Variants in HDLBP observed in about 807,000 individuals in gnomAD.
HDLBP encodes vigilin.
HDLBP carries 30 observed loss-of-function variants against 137.3 expected under a neutral mutation model. That is an observed-to-expected ratio of 0.22 (90% CI 0.16 to 0.30). The LOEUF (loss-of-function observed/expected upper bound fraction) is 0.30, where lower values mean the gene tolerates loss of function less well. Among genes scored for constraint, HDLBP ranks in the 10% least tolerant of loss-of-function variants. The pLI, the probability that HDLBP is intolerant of heterozygous loss-of-function variation, is 1.00. For synonymous variants in HDLBP, 606 were observed against 596.0 expected (o/e 1.02, Z -0.24); for missense variants, 1,119 against 1,667.3 (o/e 0.67, Z 5.73).
chr2:241,308,492 C>CTGAG (rs1395675553), intron 1 of HDLBP, among the ~76,000 whole-genome samples: 1 of 152,212 alleles, frequency 6.6e-6, no homozygotes, highest in Non-Finnish European at 1.5e-5. Flanking sequence ...AGCTGATGAC[C>CTGAG]TGAGACACCT....
At position 241,312,780 on chromosome 2, in the gene HDLBP, T is replaced by TA. The variant is rs200677671; in HGVS notation, c.-103+2789dup. Among the ~76,000 whole-genome samples, 1,344 of 152,348 alleles carry TA rather than the reference T, an allele frequency of 8.8e-3. 77 individuals carry two copies. The highest frequency in any genetic ancestry group is 0.077 in the Admixed American group (1,177 of 15,304). ...ATGTTCTCTGCTTAAGCCCTTTCTG[T>TA]AAGTTTCAGCTGGGACGCACTAATG... On this transcript the variant is annotated intron_variant, in intron 1 of 27. Coordinates refer to ENST00000310931, the MANE Select transcript of HDLBP (RefSeq NM_005336.6).
At chr2:241,242,856 G>C (rs2071379147) in intron 16 of HDLBP, 178 bp from the exon 17 acceptor site, 1 of 628,012 alleles carries the variant, frequency 1.6e-6, no homozygotes, top group Non-Finnish European at 2.9e-6. Context: ...CGGGGGAGGA[G>C]AGTGCACGTC....
At chr2:241,288,214 T>C (rs960729878) in intron 1 of HDLBP, among the ~76,000 whole-genome samples, 3 of 152,248 alleles carry the variant, frequency 2.0e-5, no homozygotes, top group Non-Finnish European at 2.9e-5. Flanking sequence ...CTCATTACAA[T>C]TGCCACGTTA....
rs188322774 is a variant in HDLBP, at chr2:241,307,815, C to T, written c.-103+7755G>A. 3.3e-5 allele frequency among the ~76,000 whole-genome samples: 5 copies of T among 152,146 alleles called. No individual in the cohort carries two copies. The East Asian group carries it at 7.7e-4, about 24-fold the overall frequency. On this transcript the variant is annotated intron_variant, in intron 1 of 27. Coordinates refer to ENST00000310931, the MANE Select transcript of HDLBP (RefSeq NM_005336.6). ...AATTTACCTCATTTGTTAACAACTACATGTTGAGTGGAGTAAACATACCTT... is the reference window on the plus strand; with the variant it reads ...AATTTACCTCATTTGTTAACAACTATATGTTGAGTGGAGTAAACATACCTT...
intron 1 of HDLBP, among the ~76,000 whole-genome samples, chr2:241,280,603 C>T (rs965481078): frequency 2.0e-5 from 3 of 152,150 alleles, no homozygotes; most frequent in East Asian, 1.9e-4. Flanking sequence ...GGTGAAAATA[C>T]GTAACTTGTG....
chr2:241,244,339 T>C (rs1358448601), intron 16 of HDLBP, among the ~76,000 whole-genome samples: 4 of 152,196 alleles, frequency 2.6e-5, no homozygotes, highest in African/African-American at 7.2e-5. Flanking sequence ...TCTGAACACA[T>C]ATATTCAAGA....
At position 241,281,489 on chromosome 2, in the gene HDLBP, C is replaced by T. The variant is rs1005658086; in HGVS notation, c.-102-12948G>A. On this transcript the variant is annotated intron_variant, in intron 1 of 27. Coordinates refer to ENST00000310931, the MANE Select transcript of HDLBP (RefSeq NM_005336.6). Reference sequence around the variant, plus strand: ...TGAGTTGAGATCGTGACACTGCACTCCAGCCTGGCTGACCAAGTGAGACCC... The same window carrying T: ...TGAGTTGAGATCGTGACACTGCACTTCAGCCTGGCTGACCAAGTGAGACCC... Among the ~76,000 whole-genome samples, 7 of 152,246 alleles carry T rather than the reference C, an allele frequency of 4.6e-5. No homozygotes were observed. The East Asian group carries it at 1.3e-3, about 29-fold the overall frequency.
At chr2:241,248,809 C>T (rs531022561) in intron 12 of HDLBP, among the ~76,000 whole-genome samples, 1 of 152,172 alleles carries the variant, frequency 6.6e-6, no homozygotes, top group Non-Finnish European at 1.5e-5. Flanking sequence ...TGGCTAAGAA[C>T]GTTCAACACA....
chr2:241,264,089 C>T (rs575521589), intron 4 of HDLBP, among the ~76,000 whole-genome samples: 61 of 138,294 alleles, frequency 4.4e-4, no homozygotes, highest in Middle Eastern at 4.1e-3. Context: ...ACTGGCCGGG[C>T]GCGGTGGCTC....
intron 9 of HDLBP, among the ~76,000 whole-genome samples, chr2:241,254,292 T>A (rs1227576733): frequency 1.3e-5 from 2 of 151,958 alleles, no homozygotes; most frequent in Non-Finnish European, 2.9e-5. Context: ...TAAAAAAAAT[T>A]TAATTTTTAA....
At chr2:241,252,615 A>G (rs574717291) in intron 11 of HDLBP, among the ~76,000 whole-genome samples, 58 of 152,340 alleles carry the variant, frequency 3.8e-4, no homozygotes, top group African/African-American at 1.3e-3. Flanking sequence ...AGTACTACCA[A>G]CACTGATTGG....
chr2:241,284,967 A>G (rs1575021100), intron 1 of HDLBP, among the ~76,000 whole-genome samples: 1 of 152,006 alleles, frequency 6.6e-6, no homozygotes, highest in Admixed American at 6.6e-5. Context: ...TGCAACCTCC[A>G]CCTCCCGGGT....
Position 241,236,742 on chromosome 2 carries a change from T to C in HDLBP, c.2777A>G (p.Glu926Gly). 6.2e-7 allele frequency: 1 copy of C among 1,614,066 alleles called. No homozygotes were observed. The highest frequency in any genetic ancestry group is 8.5e-7 in the Non-Finnish European group (1 of 1,180,004). The change falls in exon 21 of 28, where the codon GAG becomes GGG. Residue 926 changes from glutamate to glycine, a missense_variant. Physicochemically the swap from Glu to Gly is moderately conservative, Grantham distance 98 (BLOSUM62 -2). Coordinates refer to ENST00000310931, the MANE Select transcript of HDLBP (RefSeq NM_005336.6). ...CCCCTCCCCAGCTTCGTCCCCATTC[T>C]CCTGGACAACTGGCTCTGTACTGTG... is the stretch of plus-strand genomic sequence containing the variant. ...AVHSTEPVVQENGDEAGEGRE... is the reference protein window; with the variant it reads ...AVHSTEPVVQGNGDEAGEGRE...
intron 14 of HDLBP, chr2:241,247,451 G>A: frequency 2.7e-6 from 1 of 374,232 alleles, no homozygotes; most frequent in Non-Finnish European, 5.0e-6. Flanking sequence ...CCTACGCTCT[G>A]GGCAATTCTG....
intron 1 of HDLBP, chr2:241,273,770 G>C (rs904258034): frequency 8.8e-5 from 55 of 622,508 alleles, no homozygotes; most frequent in Non-Finnish European, 1.1e-4. Context: ...GGTCCGCACA[G>C]CCTGCAGCCA....
In HDLBP at chr2:241,253,009, G is replaced by C. The variant is rs1470218667; in HGVS notation, c.1320C>G (p.Ile440Met). ...GCCTGTGGAACTTGTGGTCGATGTT[G>C]ATCTCCACATAGTCCATCCGGTTAA... is the stretch of plus-strand genomic sequence containing the variant. ...DLINRMDYVE[I>M]NIDHKFHRHL... The change falls in exon 11 of 28, where the codon ATC becomes ATG. Residue 440 changes from isoleucine (I) to methionine (M), a missense_variant. By Grantham distance (10) the Ile-to-Met change is conservative. Transcript: ENST00000310931. The C allele has an allele frequency of 6.2e-7, 1 of 1,609,230 alleles. No individual in the cohort carries two copies. Among genetic ancestry groups the C allele is most frequent in the East Asian group, 2.2e-5 (1 of 44,674 alleles).
chr2:241,249,787 G>A (rs1219234083), intron 12 of HDLBP, 54 bp downstream of exon 12: 3 of 1,525,838 alleles, frequency 2.0e-6, no homozygotes, highest in Non-Finnish European at 2.6e-6. Flanking sequence ...CCTTAGAGGG[G>A]GCCAAGAGAC....
chr2:241,254,713 T>C (rs1249956994), intron 9 of HDLBP, among the ~76,000 whole-genome samples: 1 of 152,078 alleles, frequency 6.6e-6, no homozygotes, highest in Non-Finnish European at 1.5e-5. Flanking sequence ...CTCGATCTCC[T>C]GACCTCATGA....
In HDLBP at chr2:241,248,363, A is replaced by G. The variant is rs754813561; in HGVS notation, c.1513-15T>C. ...CGCTCATTTTCCTAAAAATACAATT[A>G]AAGTAGATGTCATTTATCACAAGCA... On this transcript the variant is annotated splice_polypyrimidine_tract_variant and intron_variant, in intron 12 of 27. Transcript: ENST00000310931. 2 of 1,584,912 alleles carry G rather than the reference A, an allele frequency of 1.3e-6. No individual in the cohort carries two copies. Among genetic ancestry groups the G allele is most frequent in the East Asian group, 2.2e-5 (1 of 44,718 alleles).
Sources: allele counts gnomAD v4.1 joint callset (sites outside exome capture counted in the v4.1 genomes callset), GRCh38; gene constraint gnomAD v4.1.1; transcripts MANE v1.5; gene names NCBI Gene and HGNC (gene_info 2026-07-23, HGNC 2026-07-21).